SARNP: variants seen among roughly 807,000 people sequenced by gnomAD.
The protein encoded by SARNP is SAP domain-containing ribonucleoprotein.
SARNP carries 5 observed loss-of-function variants against 38.1 expected under a neutral mutation model. The observed-to-expected ratio is 0.13, with a 90% CI of 0.07 to 0.28. The LOEUF (loss-of-function observed/expected upper bound fraction) is 0.28. Ranked by LOEUF, SARNP falls within the 10% of genes least tolerant of loss-of-function variation. SARNP has a pLI of 1.00. For synonymous variants in SARNP, 84 were observed against 80.6 expected (o/e 1.04, Z -0.23); for missense variants, 180 against 243.9 (o/e 0.74, Z 1.75).
chr12:55,798,954 T>C (rs1879898160), intron 4 of SARNP, among the ~76,000 whole-genome samples: 1 of 152,170 alleles, frequency 6.6e-6, no homozygotes, highest in Admixed American at 6.6e-5. Flanking sequence ...GCCTAGCATA[T>C]AACTCTTAAG....
At chr12:55,807,853 CT>C (rs893019760) in intron 1 of SARNP, among the ~76,000 whole-genome samples, 3 of 150,192 alleles carry the variant, frequency 2.0e-5, no homozygotes, top group Admixed American at 6.6e-5. Flanking sequence ...GAATCTTGAT[CT>C]TTCTCACACT....
chr12:55,807,676 C>G, intron 1 of SARNP, among the ~76,000 whole-genome samples: 1 of 151,082 alleles, frequency 6.6e-6, no homozygotes, highest in South Asian at 2.1e-4. Context: ...TAGCCGGGCG[C>G]GGTGGCGGGC....
At chr12:55,813,093 G>A (rs1005276164) in intron 1 of SARNP, among the ~76,000 whole-genome samples, 4 of 152,000 alleles carry the variant, frequency 2.6e-5, no homozygotes, top group South Asian at 2.1e-4. Flanking sequence ...TTACAAGTGC[G>A]CGCCACCAGG....
intron 1 of SARNP, among the ~76,000 whole-genome samples, chr12:55,808,470 C>G (rs1005870966): frequency 6.6e-6 from 1 of 152,166 alleles, no homozygotes; most frequent in Non-Finnish European, 1.5e-5. Flanking sequence ...CACGCGCCAC[C>G]ATGCCTGGCT....
intron 9 of SARNP, among the ~76,000 whole-genome samples, chr12:55,775,559 A>AC (rs1879157773): frequency 6.6e-6 from 1 of 151,488 alleles, no homozygotes; most frequent in African/African-American, 2.4e-5. Flanking sequence ...CAAAAACAAA[A>AC]AAAAAAAACT....
At chr12:55,780,655 T>C (rs1461932206) in intron 9 of SARNP, among the ~76,000 whole-genome samples, 1 of 151,620 alleles carries the variant, frequency 6.6e-6, no homozygotes, top group South Asian at 2.1e-4. Flanking sequence ...GGGCAACAAG[T>C]GCAAAACTCT....
intron 9 of SARNP, among the ~76,000 whole-genome samples, chr12:55,769,913 G>T (rs2136182482): frequency 6.6e-6 from 1 of 152,312 alleles, no homozygotes; most frequent in Middle Eastern, 3.4e-3. Context: ...TGTATTAAAT[G>T]CACTTTTGAC....
chr12:55,803,515 C>T (rs545735204), intron 2 of SARNP, 114 bp downstream of exon 2: 5 of 568,966 alleles, frequency 8.8e-6, no homozygotes, highest in African/African-American at 3.8e-5. Flanking sequence ...TTCTTGATGC[C>T]GTTAATTAAG....
At position 55,817,687 on chromosome 12, in the gene SARNP, C is replaced by A. The variant is rs759002602; in HGVS notation, c.15G>T (p.Thr5=). 2.5e-6 allele frequency: 4 copies of A among 1,613,118 alleles called. No homozygotes were observed. Among genetic ancestry groups the A allele is most frequent in the South Asian group, 1.1e-5 (1 of 90,924 alleles). Residue 5 remains threonine (T), a synonymous_variant, in exon 1 of 11, where the codon ACG becomes ACT. Coordinates refer to ENST00000336133, the MANE Select transcript of SARNP (RefSeq NM_033082.4). The part of the protein sequence containing the change: MATE[T]VELHKLKLAE... The stretch of plus-strand genomic sequence containing the variant: ...GTACCTTTAGCTTATGGAGCTCCAC[C>A]GTCTCGGTCGCCATCTTGTTACCCC...
chr12:55,797,186 C>T (rs1208040899), intron 4 of SARNP, among the ~76,000 whole-genome samples: 1 of 152,182 alleles, frequency 6.6e-6, no homozygotes, highest in Non-Finnish European at 1.5e-5. Context: ...GGTTTAATGA[C>T]ATTTTCAGAG....
rs776707499 is a variant in SARNP at position 55,760,603 on chromosome 12, C to T, written c.539G>A (p.Arg180Gln). The T allele has an allele frequency of 6.2e-7, 1 of 1,613,530 alleles. No individual in the cohort carries two copies. Among genetic ancestry groups the T allele is most frequent in the Non-Finnish European group, 8.5e-7 (1 of 1,179,512 alleles). The change falls in exon 10 of 11, where the codon CGA becomes CAA. Residue 180 changes from arginine (R) to glutamine (Q), a missense_variant. Coordinates refer to ENST00000336133, the MANE Select transcript of SARNP (RefSeq NM_033082.4). Reference sequence around the variant, plus strand: ...AGCTGAACTTGTGACAATCCCAAATCGCTCCTTCCTCTTTTTCAGTTTCTC... The same window carrying T: ...AGCTGAACTTGTGACAATCCCAAATTGCTCCTTCCTCTTTTTCAGTTTCTC... ...DDEKLKKRKE[R>Q]FGIVTSSAGT...
downstream of SARNP, chr12:55,757,248 GAGCAC>G (rs1878534865): frequency 3.2e-6 from 1 of 314,618 alleles, no homozygotes; most frequent in Non-Finnish European, 5.9e-6. Flanking sequence ...TAAATCAAAG[GAGCAC>G]CTAATAAAAC....
chr12:55,814,996 T>A (rs138005472), intron 1 of SARNP, among the ~76,000 whole-genome samples: 1 of 152,230 alleles, frequency 6.6e-6, no homozygotes, highest in African/African-American at 2.4e-5. Flanking sequence ...AGGTATTCCC[T>A]TCCCCTGAGG....
chr12:55,784,576 C>A (rs1171130295), intron 9 of SARNP, among the ~76,000 whole-genome samples: 1 of 152,202 alleles, frequency 6.6e-6, no homozygotes, highest in Non-Finnish European at 1.5e-5. Flanking sequence ...ATATTTTCTA[C>A]AATTATTTAA....
At chr12:55,788,079 GTTTCAAATACCC>G (rs1879557801) in intron 9 of SARNP, among the ~76,000 whole-genome samples, 1 of 152,008 alleles carries the variant, frequency 6.6e-6, no homozygotes, top group African/African-American at 2.4e-5. Context: ...GGTTTTTCTG[GTTTCAAATACCC>G]TGCCACCACT....
intron 10 of SARNP, among the ~76,000 whole-genome samples, chr12:55,758,197 A>G (rs1592551526): frequency 6.6e-6 from 1 of 152,262 alleles, no homozygotes; most frequent in Non-Finnish European, 1.5e-5. Flanking sequence ...AGTGACTCAC[A>G]GAACAGCACC....
At chr12:55,807,172 A>C (rs1305162949) in intron 1 of SARNP, among the ~76,000 whole-genome samples, 1 of 152,172 alleles carries the variant, frequency 6.6e-6, no homozygotes, top group African/African-American at 2.4e-5. Flanking sequence ...TCGCAATAAC[A>C]ATAAAAATCA....
chr12:55,782,584 T>C (rs1459583754), intron 9 of SARNP, among the ~76,000 whole-genome samples: 1 of 152,126 alleles, frequency 6.6e-6, no homozygotes, highest in African/African-American at 2.4e-5. Context: ...CTCTTTTCTT[T>C]CTTTTTTAAA....
intron 9 of SARNP, among the ~76,000 whole-genome samples, chr12:55,775,958 A>G (rs1592562940): frequency 6.6e-6 from 1 of 152,112 alleles, no homozygotes; most frequent in African/African-American, 2.4e-5. Flanking sequence ...CTTTAACCAA[A>G]ATTTCCTATC....
Sources: gnomAD v4.1 joint callset for allele counts (sites outside exome capture counted in the v4.1 genomes callset) on GRCh38, gnomAD v4.1.1 for gene constraint, MANE v1.5 for transcripts, NCBI Gene and HGNC (gene_info 2026-07-23, HGNC 2026-07-21) for gene names.